SSH1: variants seen among roughly 807,000 people sequenced by gnomAD.
The protein encoded by SSH1 is slingshot protein phosphatase 1, also known as protein phosphatase Slingshot homolog 1.
Under a neutral mutation model 79.7 loss-of-function variants are expected in SSH1, and 43 were observed. The ratio of observed to expected loss-of-function variants is 0.54; its 90% CI spans 0.42 to 0.70. SSH1 has a LOEUF of 0.70. SSH1 is among the 30% of genes least tolerant of loss of function. SSH1 has a pLI of 0.00. For synonymous variants in SSH1, 599 were observed against 538.3 expected (o/e 1.11, Z -1.56); for missense variants, 1,206 against 1,358.8 (o/e 0.89, Z 1.77).
rs759813463 is a variant in SSH1 at position 108,792,458 on chromosome 12, A to G, written c.1721T>C (p.Phe574Ser). The stretch of plus-strand genomic sequence containing the variant: ...GCCGCTCCGACCTTTGGGACTCCCA[A>G]ACTCTAGTTTCTTCTTCACATCCTT... ...CEKDVKKKLE[F>S]GSPKGRSGSL... The change falls in exon 14 of 15, where the codon TTT (phenylalanine) becomes TCT (serine). Residue 574 changes from phenylalanine to serine, a missense_variant. Physicochemically the swap from Phe to Ser is radical, Grantham distance 155. Around this residue, in one of 5 missense-constraint regions of SSH1, gnomAD observed 709 missense variants for 730.6 expected, o/e 0.97. Transcript: ENST00000326495. 7 of 1,614,058 alleles carry G rather than the reference A, an allele frequency of 4.3e-6. No individual in the cohort carries two copies. The highest frequency in any genetic ancestry group is 5.9e-6 in the Non-Finnish European group (7 of 1,180,004).
At chr12:108,822,354 G>T (rs1176612923) in intron 3 of SSH1, among the ~76,000 whole-genome samples, 1 of 152,020 alleles carries the variant, frequency 6.6e-6, no homozygotes, top group South Asian at 2.1e-4. Context: ...GGTTAGTCTG[G>T]AACTCCTGGG....
rs35206418 is a variant in SSH1, at chr12:108,807,418, A to ATTTTTT, written c.731+209_731+214dup. ...AATGCATTCACCAAATTCATCAGTA[A>ATTTTTT]TTTTTTTTTTTTTTTTCTTTTTTTT... is the stretch of plus-strand genomic sequence containing the variant. On this transcript the variant is annotated intron_variant, in intron 8 of 14. Coordinates refer to ENST00000326495, the MANE Select transcript of SSH1 (RefSeq NM_018984.4). The surrounding 1 kb of genome is among the most constrained non-coding windows in gnomAD (Gnocchi z 5.2). 7.0e-6 allele frequency among the ~76,000 whole-genome samples: 1 copy of ATTTTTT among 143,446 alleles called. No individual in the cohort carries two copies. The highest frequency in any genetic ancestry group is 1.5e-5 in the Non-Finnish European group (1 of 65,548). 94.1% of individuals were successfully genotyped at this position (143,446 alleles called of 152,430 possible).
At chr12:108,811,164 TTCAGTGCTAATGA>T in intron 6 of SSH1, 83 bp downstream of exon 6, 1 of 1,118,144 alleles carries the variant, frequency 8.9e-7, no homozygotes, top group Non-Finnish European at 1.4e-6. Context: ...ACACGTGTCA[TTCAGTGCTAATGA>T]TCATCCAAGG....
intron 6 of SSH1, among the ~76,000 whole-genome samples, 191 bp downstream of exon 6, chr12:108,811,069 C>T (rs1160404591): frequency 6.6e-6 from 1 of 152,176 alleles, no homozygotes; most frequent in African/African-American, 2.4e-5. Context: ...GAGCTAAACT[C>T]CCCAATCAGA....
At chr12:108,820,055 T>C (rs931960894) in intron 3 of SSH1, among the ~76,000 whole-genome samples, 1 of 152,108 alleles carries the variant, frequency 6.6e-6, no homozygotes, top group Non-Finnish European at 1.5e-5. Context: ...TTCTTTTTTT[T>C]TCAATAGAGA....
intron 14 of SSH1, among the ~76,000 whole-genome samples, chr12:108,791,427 G>A (rs2136974495): frequency 6.6e-6 from 1 of 152,186 alleles, no homozygotes; most frequent in Middle Eastern, 3.4e-3. Context: ...TTTTTAAAAG[G>A]TGACAATGGT....
chr12:108,801,316 CCATT>C (rs1172174075), intron 11 of SSH1, among the ~76,000 whole-genome samples: 2 of 152,162 alleles, frequency 1.3e-5, no homozygotes, highest in African/African-American at 4.8e-5. Context: ...CTATATCCAT[CCATT>C]ATCTATATCC....
At chr12:108,790,824 G>A (rs2136971318) in intron 14 of SSH1, among the ~76,000 whole-genome samples, 1 of 152,348 alleles carries the variant, frequency 6.6e-6, no homozygotes, top group African/African-American at 2.4e-5. Context: ...GAGATGGGCA[G>A]GTGAAGCCAG....
At chr12:108,823,231 G>T (rs769450822) in intron 3 of SSH1, 27 bp downstream of exon 3, 2 of 1,547,080 alleles carry the variant, frequency 1.3e-6, no homozygotes, top group South Asian at 1.2e-5. Context: ...AAGCTCCAAT[G>T]TAAGAGTATC....
intron 14 of SSH1, 80 bp downstream of exon 14, chr12:108,792,206 A>G (rs769398503): frequency 6.2e-7 from 1 of 1,608,204 alleles, no homozygotes; most frequent in South Asian, 1.1e-5. Flanking sequence ...TGTAGTCCCT[A>G]CTACAGAGGC....
At chr12:108,833,641 T>C (rs1031389898) in intron 2 of SSH1, 1 of 152,200 alleles carries the variant, frequency 6.6e-6, no homozygotes, top group African/African-American at 2.4e-5. Context: ...TGCACCCGGC[T>C]CTGTGCTGCA....
At chr12:108,799,571 G>T (rs1027466284) in intron 12 of SSH1, among the ~76,000 whole-genome samples, 1 of 152,220 alleles carries the variant, frequency 6.6e-6, no homozygotes, top group African/African-American at 2.4e-5. Context: ...CCTGAGACGA[G>T]AGTGGGCAGC....
intron 1 of SSH1, among the ~76,000 whole-genome samples, chr12:108,854,829 C>T (rs1286894293): frequency 1.3e-5 from 2 of 152,288 alleles, no homozygotes; most frequent in Admixed American, 1.3e-4. Context: ...CAAGCGAGGG[C>T]GGACCAGGGC....
chr12:108,803,364 G>GAA (rs34525403), intron 10 of SSH1, among the ~76,000 whole-genome samples: 23 of 144,656 alleles, frequency 1.6e-4, no homozygotes, highest in Non-Finnish European at 2.3e-4. Context: ...TGGAACGGGG[G>GAA]AAAAAAAAAA....
chr12:108,808,574 C>T (rs1004670529), intron 7 of SSH1, among the ~76,000 whole-genome samples: 1 of 152,156 alleles, frequency 6.6e-6, no homozygotes, highest in Non-Finnish European at 1.5e-5. Flanking sequence ...ACCTAAGACC[C>T]ACAATTAAGC....
intron 3 of SSH1, among the ~76,000 whole-genome samples, chr12:108,818,850 T>G (rs1390051476): frequency 6.6e-6 from 1 of 152,160 alleles, no homozygotes; most frequent in Non-Finnish European, 1.5e-5. Context: ...GCCTCCTGGA[T>G]TCAACAGATT....
intron 13 of SSH1, among the ~76,000 whole-genome samples, chr12:108,796,459 G>A (rs1043421518): frequency 6.6e-6 from 1 of 152,096 alleles, no homozygotes; most frequent in African/African-American, 2.4e-5. Context: ...AGTTCTTTTC[G>A]TGATTTGCTT....
rs565406174 is a variant in SSH1 at position 108,838,849 on chromosome 12, A to G, written c.110+13789T>C. 9.2e-4 allele frequency among the ~76,000 whole-genome samples: 140 copies of G among 152,302 alleles called. 1 individual carries two copies. Among genetic ancestry groups the G allele is most frequent in the Middle Eastern group, 6.8e-3 (2 of 294 alleles). ...TCTTGTTTCTCTCTTTGCTTTGACT[A>G]CCAGGAAACTCAAAGTCAGATCTGT... On this transcript the variant is annotated intron_variant, in intron 2 of 14. Transcript: ENST00000326495.
rs2036266761 is a variant in SSH1 at position 108,786,168 on chromosome 12, G to GGCTC, written c.*1816_*1819dup. 6.6e-6 allele frequency: 1 copy of GGCTC among 152,196 alleles called. No homozygotes were observed. Among genetic ancestry groups the GGCTC allele is most frequent in the Non-Finnish European group, 1.5e-5 (1 of 68,042 alleles). The allele number at this position is 152,196 out of a possible 1,614,324, so 9.4% of individuals were successfully genotyped here. A position where few individuals can be genotyped will look rare whatever the true frequency, so the allele number is the denominator to read the frequency against. On this transcript the variant is annotated 3_prime_UTR_variant, in exon 15 of 15. Transcript: ENST00000326495. ...CAGTTCTGGCCAATGTTAAGATGAT[G>GGCTC]GCTCACTCACTCACTTTCAGAATTC...
Sources: gnomAD v4.1 joint callset for allele counts (sites outside exome capture counted in the v4.1 genomes callset) on GRCh38, gnomAD v4.1.1 for gene constraint, gnomAD v4.1.1 regional missense constraint, Gnocchi (gnomAD v3.1) non-coding constraint, MANE v1.5 for transcripts, NCBI Gene and HGNC (gene_info 2026-07-23, HGNC 2026-07-21) for gene names.